Variants in USP9X observed in about 807,000 individuals in gnomAD.
USP9X encodes ubiquitin carboxyl-terminal hydrolase 9X.
USP9X carries 7 observed loss-of-function variants against 190.3 expected under a neutral mutation model. That is an observed-to-expected ratio of 0.04 (90% CI 0.02 to 0.07). The LOEUF (loss-of-function observed/expected upper bound fraction) is 0.07, where lower values mean the gene tolerates loss of function less well. Ranked by LOEUF, USP9X falls within the 10% of genes least tolerant of loss-of-function variation. The pLI is 1.00. For missense variants in USP9X, 1,010 were observed against 1,916.9 expected, an observed-to-expected ratio of 0.53 and a Z score of 8.83; for synonymous variants, 645 against 659.5, an observed-to-expected ratio of 0.98 and a Z score of 0.34.
chrX:41,154,470 T>C (rs2062558703), intron 14 of USP9X, among the ~76,000 whole-genome samples: 1 of 111,744 alleles, frequency 8.9e-6, no homozygotes, highest in Admixed American at 9.5e-5. Context: ...TAATGCTAAT[T>C]TTTATTTACT....
chrX:41,102,109 C>CTTGTACACTTTAAATGGACGAT (rs1294999549), intron 1 of USP9X, among the ~76,000 whole-genome samples: 1 of 111,641 alleles, frequency 9.0e-6, no homozygotes, highest in Non-Finnish European at 1.9e-5. Context: ...GAACCTTTGA[C>CTTGTACACTTTAAATGGACGAT]TTGTACACTT....
intron 26 of USP9X, chrX:41,195,862 A>G (rs973016497): frequency 6.1e-6 from 2 of 326,994 alleles, no homozygotes; most frequent in African/African-American, 5.3e-5. Context: ...TGGTTACTAC[A>G]GAATTTCCAC....
At chrX:41,089,900 AG>A (rs2061941583) in intron 1 of USP9X, among the ~76,000 whole-genome samples, 1 of 38,232 alleles carries the variant, frequency 2.6e-5, no homozygotes, top group Non-Finnish European at 4.6e-5. Flanking sequence ...AGGATCTATG[AG>A]GGTTTTTTTT....
intron 11 of USP9X, among the ~76,000 whole-genome samples, chrX:41,147,966 C>T (rs1341351296): frequency 9.0e-6 from 1 of 110,849 alleles, no homozygotes; most frequent in Non-Finnish European, 1.9e-5. Context: ...TTGGGGGGGA[C>T]ATTCGAACCA....
intron 13 of USP9X, 112 bp from the exon 14 acceptor site, chrX:41,152,836 G>A: frequency 1.6e-5 from 13 of 792,206 alleles, no homozygotes; most frequent in Non-Finnish European, 2.2e-5. Flanking sequence ...ATGTACAAAA[G>A]TATAATTTTT....
intron 31 of USP9X, 82 bp from the exon 32 acceptor site, chrX:41,205,221 C>T: frequency 1.3e-6 from 1 of 751,557 alleles, no homozygotes; most frequent in Non-Finnish European, 1.9e-6. Flanking sequence ...GAATACAAAT[C>T]ATTTGTTCAA....
At chrX:41,130,432 A>G (rs968496458) in intron 3 of USP9X, among the ~76,000 whole-genome samples, 5 of 108,930 alleles carry the variant, frequency 4.6e-5, no homozygotes, top group African/African-American at 1.7e-4. Flanking sequence ...GCAAGTTCTC[A>G]GGGGGGAGAA....
At chrX:41,206,564 T>C (rs992196194) in intron 32 of USP9X, among the ~76,000 whole-genome samples, 2 of 110,741 alleles carry the variant, frequency 1.8e-5, no homozygotes, top group African/African-American at 6.6e-5. Context: ...TCGTTTATTA[T>C]TTTCTGTTTT....
intron 6 of USP9X, among the ~76,000 whole-genome samples, chrX:41,138,187 TATC>T (rs2062392340): frequency 8.9e-6 from 1 of 111,922 alleles, no homozygotes; most frequent in Non-Finnish European, 1.9e-5. Flanking sequence ...AGAGAAATTT[TATC>T]ATACAGCTAA....
intron 31 of USP9X, among the ~76,000 whole-genome samples, chrX:41,204,010 G>A (rs998948507): frequency 1.8e-5 from 2 of 111,530 alleles, no homozygotes; most frequent in African/African-American, 3.3e-5. Flanking sequence ...ATTTTTTGAG[G>A]AACTGTTTTC....
At chrX:41,152,105 A>G (rs2062533139) in intron 13 of USP9X, among the ~76,000 whole-genome samples, 1 of 112,746 alleles carries the variant, frequency 8.9e-6, no homozygotes, top group Admixed American at 9.4e-5. Flanking sequence ...AAGGTCATGT[A>G]TATGTCTTTA....
intron 9 of USP9X, 64 bp from the exon 10 acceptor site, chrX:41,143,227 T>A: frequency 2.4e-6 from 2 of 849,436 alleles, no homozygotes; most frequent in Admixed American, 8.3e-5. Flanking sequence ...AATAATAGTG[T>A]GAGCAATTAA....
rs758030424 is a variant in USP9X, at chrX:41,119,381, T to C, written c.-158-4090T>C. On this transcript the variant is annotated intron_variant, in intron 1 of 44. Transcript: ENST00000378308. ...TTACAACTTACCTACTTTGTCTTCATCACATTTATTTAAAAAGAAAGAGAA... is the reference window on the plus strand; with the variant it reads ...TTACAACTTACCTACTTTGTCTTCACCACATTTATTTAAAAAGAAAGAGAA... Among the ~76,000 whole-genome samples the C allele has an allele frequency of 1.5e-3, 166 of 111,267 alleles. 1 individual carries two copies. The highest frequency in any genetic ancestry group is 2.4e-3 in the Non-Finnish European group (125 of 53,056).
At chrX:41,103,240 C>T (rs1393320574) in intron 1 of USP9X, among the ~76,000 whole-genome samples, 2 of 112,497 alleles carry the variant, frequency 1.8e-5, no homozygotes, top group African/African-American at 3.2e-5. Context: ...TGGGATTTGT[C>T]GGAACTTCAC....
chrX:41,134,466 C>T (rs1601960346), intron 4 of USP9X, among the ~76,000 whole-genome samples: 3 of 112,503 alleles, frequency 2.7e-5, no homozygotes, highest in Admixed American at 9.4e-5. Context: ...GACTTATTTT[C>T]AGGGAGCAAA....
chrX:41,199,743 T>C (rs1391305986), intron 30 of USP9X, among the ~76,000 whole-genome samples: 5 of 112,062 alleles, frequency 4.5e-5, no homozygotes, highest in Non-Finnish European at 9.4e-5. Context: ...CTTAAAACTT[T>C]AAGTTGCATG....
chrX:41,097,162 T>C (rs1004657763), intron 1 of USP9X, among the ~76,000 whole-genome samples: 1 of 112,170 alleles, frequency 8.9e-6, no homozygotes, highest in Non-Finnish European at 1.9e-5. Flanking sequence ...ATTTCTTTGT[T>C]GGCAGAGCAA....
chrX:41,206,113 G>A (rs1466810563), intron 32 of USP9X, among the ~76,000 whole-genome samples: 2 of 109,980 alleles, frequency 1.8e-5, no homozygotes, highest in Non-Finnish European at 3.8e-5. Flanking sequence ...GACTGGTCTC[G>A]AACTCCTGAC....
chrX:41,090,389 T>C (rs1047695125), intron 1 of USP9X, among the ~76,000 whole-genome samples: 2 of 112,328 alleles, frequency 1.8e-5, no homozygotes, highest in African/African-American at 3.2e-5. Flanking sequence ...GTGATGACCA[T>C]TGTAATATAC....
Sources: allele counts gnomAD v4.1 joint callset (sites outside exome capture counted in the v4.1 genomes callset), GRCh38; gene constraint gnomAD v4.1.1; transcripts MANE v1.5; gene names NCBI Gene and HGNC (gene_info 2026-07-23, HGNC 2026-07-21).